The following TSNAX variants were observed in gnomAD, a reference collection of about 807,000 sequenced individuals.
TSNAX encodes the protein translin associated factor X, also known as translin-associated protein X.
A neutral mutation model predicts 33.0 loss-of-function variants in TSNAX; 12 were observed. That is an observed-to-expected ratio of 0.36 (90% confidence interval 0.23 to 0.59). The LOEUF is 0.59. TSNAX is among the 20% of genes least tolerant of loss of function. TSNAX has a pLI of 0.74. For synonymous variants in TSNAX, 110 were observed against 117.2 expected (o/e 0.94, Z 0.40); for missense variants, 267 against 341.3 (o/e 0.78, Z 1.72).
At chr1:231,547,451 C>T (rs1178646273) in intron 4 of TSNAX, among the ~76,000 whole-genome samples, 10 of 131,056 alleles carry the variant, frequency 7.6e-5, no homozygotes, top group South Asian at 2.3e-4. Context: ...AGTGCAGTGG[C>T]GTGATCTCGG....
At position 231,528,720 on chromosome 1, in the gene TSNAX, G is replaced by C. The variant is rs1317857191; in HGVS notation, c.-91G>C. The C allele has an allele frequency of 6.5e-7, 1 of 1,527,412 alleles. No homozygotes were observed. Among genetic ancestry groups the C allele is most frequent in the Non-Finnish European group, 9.0e-7 (1 of 1,105,734 alleles). 94.6% of individuals were successfully genotyped at this position (1,527,412 alleles called of 1,614,324 possible). ...GCTGCAAAGCGTTTTTCTGCAGGCT[G>C]TTTTCCCAGGTTCCCTCGGCCTGTA... On this transcript the variant is annotated 5_prime_UTR_variant, in exon 1 of 6. Coordinates refer to ENST00000366639, the MANE Select transcript of TSNAX (RefSeq NM_005999.3).
intron 1 of TSNAX, 86 bp downstream of exon 1, chr1:231,528,912 T>G: frequency 6.4e-7 from 1 of 1,556,426 alleles, no homozygotes; most frequent in South Asian, 1.1e-5. Flanking sequence ...TTTTCACCCT[T>G]GAAGGATGCC....
At chr1:231,559,478 G>A (rs1184713452) in intron 4 of TSNAX, among the ~76,000 whole-genome samples, 3 of 152,006 alleles carry the variant, frequency 2.0e-5, no homozygotes, top group Admixed American at 1.3e-4. Flanking sequence ...ACAGGCACCC[G>A]CCACCATGCC....
chr1:231,557,796 A>C (rs1660786563), intron 4 of TSNAX, among the ~76,000 whole-genome samples: 1 of 152,200 alleles, frequency 6.6e-6, no homozygotes, highest in African/African-American at 2.4e-5. Flanking sequence ...TTCTCTAGGT[A>C]GTAGGGCTGA....
chr1:231,539,278 A>G (rs903087228), intron 3 of TSNAX, among the ~76,000 whole-genome samples: 3 of 152,214 alleles, frequency 2.0e-5, no homozygotes, highest in Non-Finnish European at 4.4e-5. Context: ...AACAAAAGCA[A>G]TAATATAAAG....
chr1:231,545,840 C>G (rs1337481076), intron 4 of TSNAX, among the ~76,000 whole-genome samples: 2 of 152,200 alleles, frequency 1.3e-5, no homozygotes, highest in African/African-American at 4.8e-5. Context: ...TTTGCAATAC[C>G]TCTAAATCAT....
intron 2 of TSNAX, among the ~76,000 whole-genome samples, chr1:231,531,109 T>G (rs1658677048): frequency 6.6e-6 from 1 of 152,072 alleles, no homozygotes; most frequent in East Asian, 2.0e-4. Flanking sequence ...CAGGCGTGTG[T>G]CACCATGCCT....
At chr1:231,545,623 G>GT (rs1052843207) in intron 4 of TSNAX, among the ~76,000 whole-genome samples, 7 of 151,482 alleles carry the variant, frequency 4.6e-5, no homozygotes, top group Non-Finnish European at 7.4e-5. Flanking sequence ...AGAAATACAT[G>GT]TTTTTTTCTT....
intron 2 of TSNAX, among the ~76,000 whole-genome samples, chr1:231,531,050 C>T (rs2124872487): frequency 6.6e-6 from 1 of 151,852 alleles, no homozygotes; most frequent in East Asian, 2.0e-4. Context: ...CCTCTGCCTC[C>T]TGGGCTCAAG....
intron 4 of TSNAX, among the ~76,000 whole-genome samples, chr1:231,543,836 G>A (rs1012115347): frequency 4.6e-5 from 7 of 151,904 alleles, no homozygotes; most frequent in Admixed American, 1.3e-4. Flanking sequence ...TAATATCAGG[G>A]GTTTATTTGA....
chr1:231,541,445 T>C (rs985516816), intron 3 of TSNAX, among the ~76,000 whole-genome samples: 1 of 152,226 alleles, frequency 6.6e-6, no homozygotes, highest in Non-Finnish European at 1.5e-5. Flanking sequence ...ATTTCGCGTA[T>C]GGTATAAAAA....
At position 231,531,839 on chromosome 1, in the gene TSNAX, A is replaced by C. The variant is rs532824275; in HGVS notation, c.121+2480A>C. Among the ~76,000 whole-genome samples, 7 of 152,264 alleles carry C rather than the reference A, an allele frequency of 4.6e-5. No homozygotes were observed. The South Asian group carries it at 8.3e-4, about 18-fold the overall frequency. On this transcript the variant is annotated intron_variant, in intron 2 of 5. Transcript: ENST00000366639. ...GGTTTAAGGGTATTTCAAGGTACAG[A>C]GCTTGATAAATTCAGGAAGTTTATA...
chr1:231,555,359 CAT>C (rs1227100591), intron 4 of TSNAX, among the ~76,000 whole-genome samples: 2 of 152,000 alleles, frequency 1.3e-5, no homozygotes, highest in African/African-American at 2.4e-5. Flanking sequence ...TAGTCAAAAT[CAT>C]AGAGACAAGA....
At chr1:231,559,393 ATC>A (rs1181510035) in intron 4 of TSNAX, among the ~76,000 whole-genome samples, 2 of 152,104 alleles carry the variant, frequency 1.3e-5, no homozygotes, top group Non-Finnish European at 2.9e-5. Context: ...CAGTGGCACA[ATC>A]TCGGCTCATT....
chr1:231,562,231 TTTTC>T (rs1427078434), intron 5 of TSNAX, among the ~76,000 whole-genome samples: 5 of 149,370 alleles, frequency 3.3e-5, no homozygotes, highest in Non-Finnish European at 4.5e-5. Flanking sequence ...ATTTTAAAAA[TTTTC>T]TTTATTTTTT....
chr1:231,550,601 C>A (rs975016495), intron 4 of TSNAX, among the ~76,000 whole-genome samples: 2 of 152,096 alleles, frequency 1.3e-5, no homozygotes, highest in Non-Finnish European at 2.9e-5. Flanking sequence ...GGGAAGGGAG[C>A]CTTATTGATA....
At chr1:231,551,213 A>G (rs1016230963) in intron 4 of TSNAX, among the ~76,000 whole-genome samples, 7 of 152,198 alleles carry the variant, frequency 4.6e-5, no homozygotes, top group African/African-American at 1.4e-4. Context: ...TAAGAAGAGA[A>G]TGTGGTCCTT....
intron 4 of TSNAX, among the ~76,000 whole-genome samples, chr1:231,551,887 G>A (rs932033744): frequency 6.6e-6 from 1 of 152,108 alleles, no homozygotes; most frequent in Non-Finnish European, 1.5e-5. Flanking sequence ...AGTTACTGGG[G>A]AGGCTAAGGC....
At chr1:231,542,824 T>C (rs1659664210) in intron 4 of TSNAX, 1 of 451,048 alleles carries the variant, frequency 2.2e-6, no homozygotes, top group Non-Finnish European at 3.9e-6. Flanking sequence ...TTGATTTTAA[T>C]AAAGTATTTG....
Sources: allele counts gnomAD v4.1 joint callset (sites outside exome capture counted in the v4.1 genomes callset), GRCh38; gene constraint gnomAD v4.1.1; transcripts MANE v1.5; gene names NCBI Gene and HGNC (gene_info 2026-07-23, HGNC 2026-07-21).